The following CALN1 variants were observed in gnomAD, a reference collection of about 807,000 sequenced individuals.
CALN1 encodes the protein calneuron 1.
Under a neutral mutation model 30.6 loss-of-function variants are expected in CALN1, and 17 were observed. The ratio of observed to expected loss-of-function variants is 0.56; its 90% confidence interval spans 0.38 to 0.83. The LOEUF (loss-of-function observed/expected upper bound fraction) is 0.83. Among genes scored for constraint, CALN1 ranks in the 40% least tolerant of loss-of-function variants. CALN1 has a pLI of 0.00. For synonymous variants in CALN1, 156 were observed against 131.4 expected (o/e 1.19, Z -1.28); for missense variants, 291 against 354.9 (o/e 0.82, Z 1.45).
At chr7:72,276,970 G>C (rs1797374920) in intron 3 of CALN1, among the ~76,000 whole-genome samples, 1 of 152,198 alleles carries the variant, frequency 6.6e-6, no homozygotes, top group Non-Finnish European at 1.5e-5. Context: ...ATCAGAAAGT[G>C]GCCCTCCCCA....
At chr7:71,847,847 G>A (rs4719180) in intron 5 of CALN1, among the ~76,000 whole-genome samples, 27,500 of 134,976 alleles carry the variant, frequency 0.2, 2,922 homozygotes, top group Non-Finnish European at 0.23. Context: ...GAAGGAGAAG[G>A]AGAAGAAGAA....
At chr7:71,824,613 T>C (rs1788804680) in intron 5 of CALN1, among the ~76,000 whole-genome samples, 1 of 152,112 alleles carries the variant, frequency 6.6e-6, no homozygotes, top group Non-Finnish European at 1.5e-5. Flanking sequence ...CTGCCCAGAT[T>C]TGTGAGCGAG....
At chr7:72,183,658 G>A (rs752696330) in intron 3 of CALN1, among the ~76,000 whole-genome samples, 5 of 152,324 alleles carry the variant, frequency 3.3e-5, no homozygotes, top group Admixed American at 6.5e-5. Flanking sequence ...ATGACAGAGT[G>A]TATTAGCAAA....
intron 2 of CALN1, among the ~76,000 whole-genome samples, chr7:72,285,004 C>G (rs1468363820): frequency 6.6e-6 from 1 of 152,090 alleles, no homozygotes; most frequent in African/African-American, 2.4e-5. Flanking sequence ...CTGAGCAAAG[C>G]CCTGTGTGTT....
chr7:72,344,291 A>T (rs1372524821), intron 2 of CALN1, among the ~76,000 whole-genome samples: 1 of 152,124 alleles, frequency 6.6e-6, no homozygotes, highest in Non-Finnish European at 1.5e-5. Context: ...AGGCAGTCAT[A>T]AATTTTTGTT....
At chr7:71,854,119 C>T (rs773926618) in intron 5 of CALN1, among the ~76,000 whole-genome samples, 4 of 151,810 alleles carry the variant, frequency 2.6e-5, no homozygotes, top group Admixed American at 6.6e-5. Context: ...AATTTGGATC[C>T]TTGATATTTG....
At chr7:72,374,022 T>C (rs1027398802) in intron 2 of CALN1, among the ~76,000 whole-genome samples, 7 of 152,134 alleles carry the variant, frequency 4.6e-5, no homozygotes, top group African/African-American at 7.2e-5. Flanking sequence ...AGTGGAAATA[T>C]CCTTCAGGAA....
At chr7:71,932,610 A>G (rs894932420) in intron 5 of CALN1, among the ~76,000 whole-genome samples, 6 of 151,978 alleles carry the variant, frequency 3.9e-5, no homozygotes, top group Non-Finnish European at 5.9e-5. Flanking sequence ...TCAGGAGATC[A>G]AGACCATCCT....
At chr7:71,946,453 G>C in intron 5 of CALN1, among the ~76,000 whole-genome samples, 1 of 145,072 alleles carries the variant, frequency 6.9e-6, no homozygotes, top group Admixed American at 7.2e-5. Flanking sequence ...CTGCAGCCTT[G>C]ACCTCCGGGG....
At chr7:72,103,549 T>C (rs916002476) in intron 4 of CALN1, among the ~76,000 whole-genome samples, 7 of 152,214 alleles carry the variant, frequency 4.6e-5, no homozygotes, top group Non-Finnish European at 1.0e-4. Context: ...CTTCAGTAGC[T>C]ACTTGGAGAT....
chr7:71,858,624 A>G (rs559962995), intron 5 of CALN1, among the ~76,000 whole-genome samples: 19 of 152,222 alleles, frequency 1.2e-4, no homozygotes, highest in Middle Eastern at 3.4e-3. Flanking sequence ...AGACAAATAT[A>G]TATCTGATTG....
intron 5 of CALN1, among the ~76,000 whole-genome samples, chr7:71,885,178 G>A (rs546526185): frequency 1.3e-5 from 2 of 152,274 alleles, no homozygotes; most frequent in South Asian, 4.1e-4. Flanking sequence ...TTGAGACGGA[G>A]TCTTGCTCTG....
chr7:72,173,000 T>G (rs1045401502), intron 3 of CALN1, among the ~76,000 whole-genome samples: 13 of 152,138 alleles, frequency 8.5e-5, no homozygotes, highest in African/African-American at 3.1e-4. Flanking sequence ...CTTTTTTTTT[T>G]GAAGATCTTA....
chr7:72,337,090 G>C (rs1159708540), intron 2 of CALN1: 1 of 985,696 alleles, frequency 1.0e-6, no homozygotes, highest in Admixed American at 6.1e-5. Flanking sequence ...TTCAGCCCAT[G>C]TGCGCGGCTG....
intron 2 of CALN1, among the ~76,000 whole-genome samples, chr7:72,290,010 C>T (rs1337826716): frequency 2.2e-5 from 3 of 138,102 alleles, no homozygotes; most frequent in Non-Finnish European, 3.0e-5. Context: ...CCCAGAAGTT[C>T]AAGGCTGCAG....
At chr7:71,998,758 T>G (rs1273739078) in intron 5 of CALN1, among the ~76,000 whole-genome samples, 5 of 152,076 alleles carry the variant, frequency 3.3e-5, no homozygotes, top group Non-Finnish European at 1.5e-5. Flanking sequence ...GGTTTCACCA[T>G]GTTGCCCAGA....
At chr7:72,321,327 G>A (rs1800864267) in intron 2 of CALN1, among the ~76,000 whole-genome samples, 3 of 152,156 alleles carry the variant, frequency 2.0e-5, no homozygotes, top group Non-Finnish European at 4.4e-5. Context: ...AGGATCCAAC[G>A]AAATACAACT....
chr7:71,880,195 G>T (rs1352284749), intron 5 of CALN1, among the ~76,000 whole-genome samples: 1 of 152,164 alleles, frequency 6.6e-6, no homozygotes, highest in Non-Finnish European at 1.5e-5. Flanking sequence ...AATTGCTCAA[G>T]GTTGATTAGT....
chr7:71,952,534 G>A (rs10243500), intron 5 of CALN1, among the ~76,000 whole-genome samples: 96,058 of 151,850 alleles, frequency 0.63, 31,077 homozygotes, highest in East Asian at 0.84. Flanking sequence ...TGAGGCTAGC[G>A]GCACATAAAA....
Sources: allele counts gnomAD v4.1 joint callset (sites outside exome capture counted in the v4.1 genomes callset), GRCh38; gene constraint gnomAD v4.1.1; transcripts MANE v1.5; gene names NCBI Gene and HGNC (gene_info 2026-07-23, HGNC 2026-07-21).